METTL16: variants seen among roughly 807,000 people sequenced by gnomAD.
The protein encoded by METTL16 is methyltransferase 16, RNA N6-adenosine, also known as RNA N(6)-adenosine-methyltransferase METTL16.
In METTL16, 19 loss-of-function variants were observed where a neutral mutation model predicts 57.9. That is an observed-to-expected ratio of 0.33 (90% confidence interval 0.23 to 0.48). METTL16 has a LOEUF of 0.48. METTL16 is among the 20% of genes least tolerant of loss of function. The pLI is 0.99. For synonymous variants in METTL16, 246 were observed against 255.6 expected (o/e 0.96, Z 0.36); for missense variants, 434 against 691.5 (o/e 0.63, Z 4.18).
At chr17:2,425,607 C>CACAA (rs886415615) in intron 8 of METTL16, among the ~76,000 whole-genome samples, 7 of 151,806 alleles carry the variant, frequency 4.6e-5, no homozygotes, top group South Asian at 2.1e-4. Flanking sequence ...ATCAATCAGG[C>CACAA]ACAAACAAAC....
chr17:2,425,080 G>T (rs1164698030), intron 8 of METTL16, among the ~76,000 whole-genome samples: 1 of 152,106 alleles, frequency 6.6e-6, no homozygotes, highest in Non-Finnish European at 1.5e-5. Context: ...AAAAGTCCTC[G>T]TGGGCAGGGT....
At position 2,416,702 on chromosome 17, in the gene METTL16, G is replaced by A. The variant is rs2066719086; in HGVS notation, c.*3268C>T. On this transcript the variant is annotated 3_prime_UTR_variant, in exon 10 of 10. Coordinates refer to ENST00000263092, the MANE Select transcript of METTL16 (RefSeq NM_024086.4). ...TCAGGAGACCAGAAGCCGATTCTAG[G>A]GACCAGAAGAGAATGTAGGGTCACA... 1 of 152,136 alleles carries A rather than the reference G, an allele frequency of 6.6e-6. No individual in the cohort carries two copies. The highest frequency in any genetic ancestry group is 2.4e-5 in the African/African-American group (1 of 41,396). 9.4% of individuals were successfully genotyped at this position (152,136 alleles called of 1,614,324 possible).
chr17:2,489,516 G>A (rs919804295), intron 2 of METTL16, among the ~76,000 whole-genome samples: 4 of 151,804 alleles, frequency 2.6e-5, no homozygotes, highest in East Asian at 1.9e-4. Flanking sequence ...TTAGCCGAGC[G>A]TGGTGGCAGG....
At chr17:2,425,201 G>T (rs1052631541) in intron 8 of METTL16, among the ~76,000 whole-genome samples, 1 of 152,204 alleles carries the variant, frequency 6.6e-6, no homozygotes, top group Non-Finnish European at 1.5e-5. Flanking sequence ...GTACATAGAA[G>T]CTGTCAGTTT....
chr17:2,444,232 T>C (rs544349698), intron 6 of METTL16, among the ~76,000 whole-genome samples: 1 of 152,206 alleles, frequency 6.6e-6, no homozygotes, highest in Admixed American at 6.5e-5. Context: ...GGCAGATCAC[T>C]TGAGGCCAAG....
intron 6 of METTL16, among the ~76,000 whole-genome samples, chr17:2,458,717 CACAT>C (rs776790368): frequency 4.6e-5 from 7 of 151,944 alleles, no homozygotes; most frequent in Non-Finnish European, 8.8e-5. Flanking sequence ...GACACACACA[CACAT>C]ACACACACAC....
intron 1 of METTL16, among the ~76,000 whole-genome samples, chr17:2,506,684 T>C (rs1041609698): frequency 6.6e-6 from 1 of 152,122 alleles, no homozygotes; most frequent in Non-Finnish European, 1.5e-5. Context: ...AGTGCCGAGA[T>C]TGCAGCCTCT....
intron 2 of METTL16, among the ~76,000 whole-genome samples, chr17:2,484,730 G>A (rs2151572224): frequency 6.6e-6 from 1 of 152,220 alleles, no homozygotes; most frequent in South Asian, 2.1e-4. Flanking sequence ...CTGACCTCAG[G>A]CATACTGCCT....
rs2066756423 is a variant in METTL16 at position 2,420,442 on chromosome 17, A to C, written c.1217T>G (p.Leu406Trp). 3 of 1,613,908 alleles carry C rather than the reference A, an allele frequency of 1.9e-6. No individual in the cohort carries two copies. ...TTTGGGGGTGGGCTTTTTCTCTTCC[A>C]AGGCCTGAATGACGTCCTCAGGAGC... ...PRAPEDVIQA[L>W]EEKKPTPKES... The change falls in exon 10 of 10, where the codon TTG becomes TGG. Residue 406 changes from leucine to tryptophan, a missense_variant. Leu to Trp is a moderately conservative substitution (Grantham distance 61). Transcript: ENST00000263092. This position sits in a 1 kb window ranked among gnomAD's most constrained non-coding sequence, Gnocchi z 5.4.
At chr17:2,438,647 G>A (rs1302340186) in intron 7 of METTL16, among the ~76,000 whole-genome samples, 9 of 152,006 alleles carry the variant, frequency 5.9e-5, no homozygotes, top group East Asian at 3.9e-4. Context: ...GATTACAGGC[G>A]CATGCCACCA....
At chr17:2,457,743 T>C (rs1487868560) in intron 6 of METTL16, among the ~76,000 whole-genome samples, 1 of 151,954 alleles carries the variant, frequency 6.6e-6, no homozygotes, top group Non-Finnish European at 1.5e-5. Context: ...AATCACCCTA[T>C]TTAATATCCA....
intron 6 of METTL16, among the ~76,000 whole-genome samples, chr17:2,443,238 T>C (rs377389522): frequency 1.3e-5 from 2 of 152,106 alleles, no homozygotes. Flanking sequence ...CCTCTCTAAG[T>C]GCTGGAATTA....
intron 5 of METTL16, among the ~76,000 whole-genome samples, chr17:2,467,498 C>CCACT (rs2067207981): frequency 2.6e-5 from 4 of 151,948 alleles, no homozygotes; most frequent in African/African-American, 9.7e-5. Flanking sequence ...CAATCTTGGC[C>CCACT]CACTGCAACC....
At chr17:2,476,574 T>TGTAG (rs1312172615) in intron 3 of METTL16, among the ~76,000 whole-genome samples, 1 of 152,158 alleles carries the variant, frequency 6.6e-6, no homozygotes, top group Non-Finnish European at 1.5e-5. Flanking sequence ...GAAAAGATCA[T>TGTAG]GTAGGATGAG....
At chr17:2,435,237 G>T (rs1271013532) in intron 8 of METTL16, among the ~76,000 whole-genome samples, 1 of 152,108 alleles carries the variant, frequency 6.6e-6, no homozygotes, top group Non-Finnish European at 1.5e-5. Flanking sequence ...CGAGTCAGTA[G>T]GCCTGAGATA....
chr17:2,468,044 T>C (rs1249305090), intron 4 of METTL16, among the ~76,000 whole-genome samples, 168 bp from the exon 5 acceptor site: 2 of 152,232 alleles, frequency 1.3e-5, no homozygotes, highest in African/African-American at 2.4e-5. Context: ...TATGCTTAGA[T>C]AGACAAATAC....
At chr17:2,450,261 A>G (rs774091751) in intron 6 of METTL16, among the ~76,000 whole-genome samples, 1 of 152,234 alleles carries the variant, frequency 6.6e-6, no homozygotes, top group Non-Finnish European at 1.5e-5. Context: ...ACTGTGGTAT[A>G]CTCAGCCTAT....
At chr17:2,425,849 G>A (rs1360695646) in intron 8 of METTL16, among the ~76,000 whole-genome samples, 2 of 152,036 alleles carry the variant, frequency 1.3e-5, no homozygotes, top group African/African-American at 4.8e-5. Flanking sequence ...ACCATGCCTA[G>A]CTAATTTTTG....
In METTL16 at chr17:2,438,090, G is replaced by C; in HGVS notation, c.888+19C>G. 1 of 1,584,068 alleles carries C rather than the reference G, an allele frequency of 6.3e-7. No individual in the cohort carries two copies. Among genetic ancestry groups the C allele is most frequent in the East Asian group, 2.2e-5 (1 of 44,664 alleles). ...CCATGTGCTGGCAGGTGGTGAAGCG[G>C]AGCAAGGTCTGTACTTACTGGTACT... On this transcript the variant is annotated intron_variant, in intron 8 of 9. Transcript: ENST00000263092.
Sources: gnomAD v4.1 joint callset for allele counts (sites outside exome capture counted in the v4.1 genomes callset) on GRCh38, gnomAD v4.1.1 for gene constraint, Gnocchi (gnomAD v3.1) non-coding constraint, MANE v1.5 for transcripts, NCBI Gene and HGNC (gene_info 2026-07-23, HGNC 2026-07-21) for gene names.